Variants in NSDHL observed in about 807,000 individuals in gnomAD.
NSDHL encodes the protein NAD(P) dependent 3-beta-hydroxysteroid dehydrogenase NSDHL, also known as sterol-4-alpha-carboxylate 3-dehydrogenase, decarboxylating.
In NSDHL, 1 loss-of-function variant was observed where a neutral mutation model predicts 23.0. The observed-to-expected ratio is 0.04, with a 90% CI of 0.02 to 0.21. NSDHL has a LOEUF of 0.21. NSDHL is among the 10% of genes least tolerant of loss of function. NSDHL has a pLI of 1.00. For synonymous variants in NSDHL, 128 were observed against 121.1 expected (o/e 1.06, Z -0.37); for missense variants, 237 against 300.9 (o/e 0.79, Z 1.57).
chrX:152,834,195 G>A (rs1309058927), intron 1 of NSDHL, among the ~76,000 whole-genome samples: 1 of 112,215 alleles, frequency 8.9e-6, no homozygotes, highest in African/African-American at 3.2e-5. Context: ...GGGAGGGGGA[G>A]GAAGTTTCAC....
At chrX:152,848,261 A>ATT (rs1933304715) in intron 2 of NSDHL, among the ~76,000 whole-genome samples, 1 of 111,892 alleles carries the variant, frequency 8.9e-6, no homozygotes, top group Non-Finnish European at 1.9e-5. Context: ...TTTATACTTG[A>ATT]TTGTTAGTAC....
At chrX:152,867,401 G>A (rs1473201890) in intron 6 of NSDHL, among the ~76,000 whole-genome samples, 170 bp from the exon 7 acceptor site, 2 of 112,366 alleles carry the variant, frequency 1.8e-5, no homozygotes, top group Non-Finnish European at 3.8e-5. Context: ...CCGGCCCAGT[G>A]TACATCTTTA....
At chrX:152,854,570 C>T (rs1471647333) in intron 3 of NSDHL, among the ~76,000 whole-genome samples, 3 of 109,372 alleles carry the variant, frequency 2.7e-5, no homozygotes, top group Non-Finnish European at 3.8e-5. Flanking sequence ...CCGCCACACC[C>T]GGCTAATTTT....
intron 1 of NSDHL, among the ~76,000 whole-genome samples, chrX:152,845,257 C>T (rs372591555): frequency 3.6e-5 from 4 of 111,604 alleles, no homozygotes; most frequent in East Asian, 5.7e-4. Flanking sequence ...GTGTAAAATT[C>T]GAGGTGTGGG....
chrX:152,834,131 G>C (rs1178365211), intron 1 of NSDHL, among the ~76,000 whole-genome samples: 3 of 112,172 alleles, frequency 2.7e-5, no homozygotes, highest in Non-Finnish European at 5.6e-5. Flanking sequence ...ACAGGGTGCT[G>C]AGTGTGAGGA....
chrX:152,857,682 T>A (rs1049725719), intron 3 of NSDHL, among the ~76,000 whole-genome samples: 5 of 111,920 alleles, frequency 4.5e-5, no homozygotes, highest in Non-Finnish European at 9.4e-5. Flanking sequence ...CTGGGACAAT[T>A]GGGGGAATTT....
chrX:152,838,920 T>G (rs1027306258), intron 1 of NSDHL, among the ~76,000 whole-genome samples: 1 of 111,716 alleles, frequency 9.0e-6, no homozygotes, highest in African/African-American at 3.3e-5. Context: ...CCATTATTAT[T>G]GAGTGGGAGT....
At chrX:152,848,404 T>C (rs1387139152) in intron 2 of NSDHL, among the ~76,000 whole-genome samples, 1 of 112,395 alleles carries the variant, frequency 8.9e-6, no homozygotes, top group Non-Finnish European at 1.9e-5. Context: ...AAAGGCCAGT[T>C]TGATTCCCAT....
At chrX:152,849,767 G>T (rs782239868) in intron 2 of NSDHL, among the ~76,000 whole-genome samples, 1 of 112,805 alleles carries the variant, frequency 8.9e-6, no homozygotes, top group South Asian at 3.6e-4. Context: ...GAGAGGGAAA[G>T]GGACTGACTT....
At chrX:152,853,109 C>T (rs1047811767) in intron 3 of NSDHL, among the ~76,000 whole-genome samples, 5 of 97,930 alleles carry the variant, frequency 5.1e-5, no homozygotes, top group Admixed American at 2.4e-4. Context: ...TTATCTCCAA[C>T]CCCTAGCTCT....
intron 1 of NSDHL, among the ~76,000 whole-genome samples, chrX:152,834,818 G>A (rs951206933): frequency 3.6e-5 from 4 of 112,390 alleles, no homozygotes; most frequent in Non-Finnish European, 7.5e-5. Flanking sequence ...ACATTACTTG[G>A]CATTCCTTGG....
chrX:152,845,754 C>T (rs1019361028), intron 1 of NSDHL, among the ~76,000 whole-genome samples: 2 of 111,794 alleles, frequency 1.8e-5, no homozygotes, highest in African/African-American at 3.3e-5. Flanking sequence ...ACTCATCCCC[C>T]GTCCCAGCAT....
intron 4 of NSDHL, among the ~76,000 whole-genome samples, chrX:152,859,534 A>G (rs782746440): frequency 2.0e-4 from 22 of 112,194 alleles, no homozygotes; most frequent in Non-Finnish European, 3.9e-4. Flanking sequence ...GGGGTCATCC[A>G]TGTTGTAGCA....
rs1933482050 is a variant in NSDHL, at chrX:152,858,809, C to T, written c.307C>T (p.His103Tyr). Residue 103 changes from histidine (H) to tyrosine (Y), a missense_variant, in exon 4 of 8, where the codon CAC (histidine) becomes TAC (tyrosine). Around this residue, in one of 3 missense-constraint regions of NSDHL, gnomAD observed 81 missense variants for 103.3 expected, o/e 0.78. Coordinates refer to ENST00000370274, the MANE Select transcript of NSDHL (RefSeq NM_015922.3). Reference sequence around the variant, plus strand: ...TCTGAAAGGTGTAAACACAGTTTTCCACTGTGCGTCACCCCCACCATCCAG... The same window carrying T: ...TCTGAAAGGTGTAAACACAGTTTTCTACTGTGCGTCACCCCCACCATCCAG... ...PALKGVNTVF[H>Y]CASPPPSSNN... is the part of the protein sequence containing the mutation. 8.3e-7 allele frequency: 1 copy of T among 1,205,386 alleles called. No homozygotes were observed. Among genetic ancestry groups the T allele is most frequent in the African/African-American group, 1.7e-5 (1 of 57,562 alleles).
At chrX:152,848,483 A>G (rs954080188) in intron 2 of NSDHL, among the ~76,000 whole-genome samples, 5 of 112,745 alleles carry the variant, frequency 4.4e-5, no homozygotes, top group Admixed American at 1.9e-4. Context: ...GAACATTTCA[A>G]TATCATAAAA....
chrX:152,855,542 A>T (rs1302766060), intron 3 of NSDHL, among the ~76,000 whole-genome samples: 2 of 111,927 alleles, frequency 1.8e-5, no homozygotes, highest in Admixed American at 1.9e-4. Context: ...GTCTTTCCTC[A>T]TTTCTGGAAA....
chrX:152,850,409 C>G lies in NSDHL; in HGVS notation c.253C>G (p.Leu85Val). ...NPQVRFFLGDLCSRQDLYPAL... is the reference protein window; with the variant it reads ...NPQVRFFLGDVCSRQDLYPAL... The stretch of plus-strand genomic sequence containing the variant: ...CCAGGTGCGGTTCTTTCTGGGTGAC[C>G]TCTGCAGCCGACAGGTAATGGACCA... Residue 85 changes from leucine to valine, a missense_variant, in exon 3 of 8, where the codon CTC becomes GTC. Physicochemically the swap from Leu to Val is conservative, Grantham distance 32. Around this residue, in one of 3 missense-constraint regions of NSDHL, gnomAD observed 81 missense variants for 103.3 expected, o/e 0.78. Coordinates refer to ENST00000370274, the MANE Select transcript of NSDHL (RefSeq NM_015922.3). 8.3e-7 allele frequency: 1 copy of G among 1,211,164 alleles called. No individual in the cohort carries two copies. Among genetic ancestry groups the G allele is most frequent in the East Asian group, 3.0e-5 (1 of 33,867 alleles).
chrX:152,845,850 G>T (rs1933264019), intron 1 of NSDHL, among the ~76,000 whole-genome samples: 1 of 112,279 alleles, frequency 8.9e-6, no homozygotes, highest in African/African-American at 3.2e-5. Context: ...AGTGACTGGA[G>T]CAATTCCGTA....
At chrX:152,831,339 G>T (rs1933011423) in intron 1 of NSDHL, among the ~76,000 whole-genome samples, 1 of 111,741 alleles carries the variant, frequency 8.9e-6, no homozygotes, top group Non-Finnish European at 1.9e-5. Flanking sequence ...GGGAAGGGGT[G>T]TGCTGAGTGT....
Sources: gnomAD v4.1 joint callset for allele counts (sites outside exome capture counted in the v4.1 genomes callset) on GRCh38, gnomAD v4.1.1 for gene constraint, gnomAD v4.1.1 regional missense constraint, MANE v1.5 for transcripts, NCBI Gene and HGNC (gene_info 2026-07-23, HGNC 2026-07-21) for gene names.